DNAAF6: variants seen among roughly 807,000 people sequenced by gnomAD.
DNAAF6 encodes the protein dynein axonemal assembly factor 6, also known as PIH1 domain containing 3.
DNAAF6 carries 3 observed loss-of-function variants against 13.7 expected under a neutral mutation model. The observed-to-expected ratio is 0.22, with a 90% CI of 0.10 to 0.56. DNAAF6 has a LOEUF of 0.56. DNAAF6 is among the 20% of genes least tolerant of loss of function. DNAAF6 has a pLI of 0.92. For synonymous variants in DNAAF6, 54 were observed against 49.2 expected (o/e 1.10, Z -0.41); for missense variants, 130 against 151.0 (o/e 0.86, Z 0.73).
At chrX:107,231,543 A>G (rs1928398061) in intron 5 of DNAAF6, among the ~76,000 whole-genome samples, 1 of 111,708 alleles carries the variant, frequency 9.0e-6, no homozygotes, top group South Asian at 3.8e-4. Flanking sequence ...TGAAGATCAT[A>G]TGATTTTTTT....
At chrX:107,214,703 G>A (rs1927938379) in intron 2 of DNAAF6, among the ~76,000 whole-genome samples, 1 of 111,906 alleles carries the variant, frequency 8.9e-6, no homozygotes, top group Non-Finnish European at 1.9e-5. Context: ...AGAACAGTGG[G>A]AGAATAATTA....
chrX:107,222,979 C>T (rs1928180936), intron 5 of DNAAF6, 138 bp downstream of exon 5: 3 of 793,635 alleles, frequency 3.8e-6, no homozygotes, highest in Admixed American at 9.8e-5. Flanking sequence ...ACTAGGGTAA[C>T]AATGGGATAG....
At chrX:107,242,843 T>A (rs964191790) in intron 6 of DNAAF6, among the ~76,000 whole-genome samples, 4 of 111,924 alleles carry the variant, frequency 3.6e-5, no homozygotes, top group Admixed American at 2.9e-4. Context: ...TACATAAGTA[T>A]GAGTGGCAAC....
chrX:107,235,263 G>A (rs773918011), intron 5 of DNAAF6, among the ~76,000 whole-genome samples: 34 of 111,533 alleles, frequency 3.0e-4, no homozygotes, highest in African/African-American at 1.0e-3. Flanking sequence ...AAGGACAGAA[G>A]GCAGATATTT....
At chrX:107,222,881 T>C (rs979331203) in intron 5 of DNAAF6, 40 bp downstream of exon 5, 5 of 1,172,901 alleles carry the variant, frequency 4.3e-6, no homozygotes, top group Non-Finnish European at 4.6e-6. Context: ...TATACAACCA[T>C]TGTAGCTAAA....
At chrX:107,238,839 C>A in intron 5 of DNAAF6, 83 bp from the exon 6 acceptor site, 1 of 1,149,818 alleles carries the variant, frequency 8.7e-7, no homozygotes, top group Admixed American at 2.7e-5. Context: ...AAATATTAGT[C>A]TCTTTTCCCC....
intron 5 of DNAAF6, among the ~76,000 whole-genome samples, chrX:107,223,373 T>A (rs1415641841): frequency 1.8e-5 from 2 of 111,927 alleles, no homozygotes; most frequent in African/African-American, 6.5e-5. Flanking sequence ...TTACTTTGCT[T>A]TCTTATCTGA....
At chrX:107,219,095 C>T in intron 4 of DNAAF6, 126 bp downstream of exon 4, 5 of 832,277 alleles carry the variant, frequency 6.0e-6, no homozygotes, top group East Asian at 4.3e-5. Flanking sequence ...CAGTGACACA[C>T]GGAAGGCATG....
intron 2 of DNAAF6, among the ~76,000 whole-genome samples, 155 bp downstream of exon 2, chrX:107,213,183 C>A (rs1026167119): frequency 2.7e-5 from 3 of 111,903 alleles, no homozygotes; most frequent in Non-Finnish European, 3.8e-5. Context: ...ACAATGTAAC[C>A]TGTAGTACAT....
chrX:107,226,191 A>G (rs1176267880), intron 5 of DNAAF6, among the ~76,000 whole-genome samples: 1 of 112,100 alleles, frequency 8.9e-6, no homozygotes, highest in Non-Finnish European at 1.9e-5. Context: ...TCAAATACTC[A>G]TATACATTAA....
chrX:107,213,289 T>C (rs1927902979), intron 2 of DNAAF6, among the ~76,000 whole-genome samples: 1 of 112,328 alleles, frequency 8.9e-6, no homozygotes, highest in African/African-American at 3.2e-5. Context: ...TCTCAAAATG[T>C]TGTCATTTAT....
intron 2 of DNAAF6, among the ~76,000 whole-genome samples, chrX:107,215,392 T>C (rs1927954410): frequency 1.8e-5 from 2 of 111,040 alleles, no homozygotes; most frequent in Non-Finnish European, 3.8e-5. Flanking sequence ...ACTATTAGTG[T>C]TCTGATGATT....
chrX:107,239,018 C>G lies in DNAAF6; in HGVS notation c.515+11C>G. On this transcript the variant is annotated intron_variant, in intron 6 of 6. Transcript: ENST00000372453. ...TCGTACTCCTCAGAAGTGAGTAAAA[C>G]TTAGAACTGGAATAGTGTATTATAA... 8.4e-7 allele frequency: 1 copy of G among 1,195,249 alleles called. No homozygotes were observed. The highest frequency in any genetic ancestry group is 1.1e-6 in the Non-Finnish European group (1 of 890,554).
In DNAAF6 at chrX:107,222,733, A is replaced by AT. The variant is rs762286393; in HGVS notation, c.333-4dup. On this transcript the variant is annotated splice_polypyrimidine_tract_variant and intron_variant, in intron 4 of 6. Transcript: ENST00000372453. ...TTCATCTGAGTCCCTATAATCATTG[A>AT]TTTTTTTTCAGGTATGAGATTATAT... 22 of 1,187,587 alleles carry AT rather than the reference A, an allele frequency of 1.9e-5. No individual in the cohort carries two copies. Among genetic ancestry groups the AT allele is most frequent in the South Asian group, 7.9e-5 (4 of 50,936 alleles).
At chrX:107,219,815 T>A (rs947018475) in intron 4 of DNAAF6, among the ~76,000 whole-genome samples, 6 of 109,522 alleles carry the variant, frequency 5.5e-5, no homozygotes, top group Non-Finnish European at 1.1e-4. Context: ...TTTTTTTTTT[T>A]AGACAGAGTC....
intron 5 of DNAAF6, among the ~76,000 whole-genome samples, chrX:107,229,833 GC>G (rs1001276706): frequency 9.1e-6 from 1 of 109,931 alleles, no homozygotes; most frequent in Admixed American, 9.7e-5. Flanking sequence ...GACTACAGGC[GC>G]CCCCCACCAC....
intron 1 of DNAAF6, among the ~76,000 whole-genome samples, chrX:107,209,791 A>C (rs952691596): frequency 7.1e-5 from 8 of 112,203 alleles, no homozygotes; most frequent in Admixed American, 4.7e-4. Context: ...TGAATTAATA[A>C]AATCTATTAT....
intron 2 of DNAAF6, among the ~76,000 whole-genome samples, chrX:107,214,362 A>G (rs867749526): frequency 8.9e-6 from 1 of 111,827 alleles, no homozygotes; most frequent in African/African-American, 3.2e-5. Flanking sequence ...TAGAAAAAGT[A>G]TATCAAGTAT....
Position 107,243,356 on chromosome X carries a change from T to C in DNAAF6, c.*58T>C. ...GGCATTGGTAACAATTAAAAAACTT[T>C]GAAAAAAATGATTGTTTTCTATATT... On this transcript the variant is annotated 3_prime_UTR_variant, in exon 7 of 7. Transcript: ENST00000372453. 11 of 1,142,437 alleles carry C rather than the reference T, an allele frequency of 9.6e-6. No homozygotes were observed. Among genetic ancestry groups the C allele is most frequent in the Non-Finnish European group, 1.3e-5 (11 of 856,694 alleles). The allele number at this position is 1,142,437 out of a possible 1,213,427, so 94.1% of individuals were successfully genotyped here. A position where few individuals can be genotyped will look rare whatever the true frequency, so the allele number is the denominator to read the frequency against.
Sources: allele counts gnomAD v4.1 joint callset (sites outside exome capture counted in the v4.1 genomes callset), GRCh38; gene constraint gnomAD v4.1.1; transcripts MANE v1.5; gene names NCBI Gene and HGNC (gene_info 2026-07-23, HGNC 2026-07-21).